AFAP1L2: variants seen among roughly 807,000 people sequenced by gnomAD.
AFAP1L2 encodes the protein actin filament associated protein 1 like 2.
AFAP1L2 carries 46 observed loss-of-function variants against 99.3 expected under a neutral mutation model. The ratio of observed to expected loss-of-function variants is 0.46; its 90% confidence interval spans 0.37 to 0.59. The LOEUF is 0.59. Among genes scored for constraint, AFAP1L2 ranks in the 20% least tolerant of loss-of-function variants. AFAP1L2 has a pLI of 0.00. For missense variants in AFAP1L2, 959 were observed against 1,034.9 expected (o/e 0.93, Z 1.01); for synonymous variants, 397 against 419.1 (o/e 0.95, Z 0.64).
At chr10:114,298,949 A>G (rs2040682026) in intron 16 of AFAP1L2, among the ~76,000 whole-genome samples, 1 of 152,218 alleles carries the variant, frequency 6.6e-6, no homozygotes, top group Non-Finnish European at 1.5e-5. Flanking sequence ...TGGGCCAAGG[A>G]ATATGCATTT....
chr10:114,324,549 G>C (rs1471443815), intron 4 of AFAP1L2, among the ~76,000 whole-genome samples: 1 of 152,212 alleles, frequency 6.6e-6, no homozygotes, highest in Admixed American at 6.5e-5. Context: ...CCATGCCCGT[G>C]GTGTCTTTCT....
At chr10:114,360,350 C>T (rs2052068907) in intron 1 of AFAP1L2, among the ~76,000 whole-genome samples, 2 of 152,202 alleles carry the variant, frequency 1.3e-5, no homozygotes, top group South Asian at 4.1e-4. Context: ...CAAACTAGAA[C>T]TACACCATTG....
chr10:114,290,792 T>C (rs2039514733), downstream of AFAP1L2, among the ~76,000 whole-genome samples: 2 of 152,104 alleles, frequency 1.3e-5, no homozygotes, highest in African/African-American at 4.8e-5. Flanking sequence ...AAGCTCTTTT[T>C]GGGGTGCTAT....
chr10:114,382,548 A>G (rs918305848), intron 1 of AFAP1L2, among the ~76,000 whole-genome samples: 3 of 148,834 alleles, frequency 2.0e-5, no homozygotes, highest in Non-Finnish European at 4.4e-5. Flanking sequence ...GTTTGATAGC[A>G]CTCTATCAAT....
downstream of AFAP1L2, chr10:114,291,229 C>T (rs760097812): frequency 2.5e-4 from 388 of 1,550,382 alleles, no homozygotes; most frequent in Non-Finnish European, 3.2e-4. Flanking sequence ...ATTCTTGAGA[C>T]GCCCCTGAGG....
rs1454136376 is a variant in AFAP1L2, at chr10:114,323,184, G to C, written c.393C>G (p.Asp131Glu). Reference protein sequence around the residue: ...EGYYEEAEPYDTSLNEDGEAV... With the variant: ...EGYYEEAEPYETSLNEDGEAV... Reference sequence around the variant, plus strand: ...GCTGGGATGTACCATTGAGGGATGTGTCATATGGCTCAGCCTCTTCATAGT... The same window carrying C: ...GCTGGGATGTACCATTGAGGGATGTCTCATATGGCTCAGCCTCTTCATAGT... The change falls in exon 5 of 19, where the codon GAC becomes GAG. Residue 131 changes from aspartate to glutamate, a missense_variant. Coordinates refer to ENST00000304129, the MANE Select transcript of AFAP1L2 (RefSeq NM_001001936.3). 1 of 1,597,568 alleles carries C rather than the reference G, an allele frequency of 6.3e-7. No individual in the cohort carries two copies. The highest frequency in any genetic ancestry group is 1.7e-5 in the Admixed American group (1 of 58,308).
chr10:114,312,978 T>C (rs904506141), intron 7 of AFAP1L2, among the ~76,000 whole-genome samples: 2 of 152,038 alleles, frequency 1.3e-5, no homozygotes, highest in Non-Finnish European at 2.9e-5. Context: ...GGTACTGAGG[T>C]CCTGTTTTAC....
the AFAP1L2 span, among the ~76,000 whole-genome samples, chr10:114,281,525 G>A: frequency 5.3e-5 from 8 of 152,362 alleles, no homozygotes; most frequent in South Asian, 1.7e-3. Context: ...GTGGTTCATG[G>A]AACACCAGCA....
In AFAP1L2 at chr10:114,308,419, C is replaced by T. The variant is rs1312790581; in HGVS notation, c.967+14G>A. The T allele has an allele frequency of 1.2e-6, 2 of 1,611,912 alleles. No homozygotes were observed. The highest frequency in any genetic ancestry group is 1.7e-6 in the Non-Finnish European group (2 of 1,177,998). ...GCCTGGGACACCATTCCCCTCCCAA[C>T]CACATGATGTTACCGTCTTTGGTTT... On this transcript the variant is annotated intron_variant, in intron 9 of 18. Transcript: ENST00000304129.
At chr10:114,388,899 A>G (rs1224559675) in intron 1 of AFAP1L2, among the ~76,000 whole-genome samples, 1 of 152,210 alleles carries the variant, frequency 6.6e-6, no homozygotes, top group Non-Finnish European at 1.5e-5. Context: ...GAAACTGAAC[A>G]CTGTCAGTAA....
intron 1 of AFAP1L2, among the ~76,000 whole-genome samples, chr10:114,402,216 A>G (rs767487364): frequency 3.9e-5 from 6 of 152,246 alleles, no homozygotes; most frequent in Non-Finnish European, 7.3e-5. Context: ...CTGAAAAGCA[A>G]GAAGAGACTA....
At chr10:114,328,413 G>A (rs1328031263) in intron 4 of AFAP1L2, among the ~76,000 whole-genome samples, 1 of 152,238 alleles carries the variant, frequency 6.6e-6, no homozygotes, top group East Asian at 1.9e-4. Context: ...GCAGGGCCCA[G>A]CCCTCAGGTG....
chr10:114,302,553 A>G, intron 11 of AFAP1L2, 69 bp from the exon 12 acceptor site: 1 of 1,594,968 alleles, frequency 6.3e-7, no homozygotes, highest in Middle Eastern at 1.8e-4. Context: ...CCTCCCCACC[A>G]GGCCATGACC....
the AFAP1L2 span, chr10:114,285,827 C>T: frequency 1.7e-6 from 2 of 1,211,420 alleles, no homozygotes; most frequent in Admixed American, 3.0e-5. Flanking sequence ...TTGGGGGGCC[C>T]ACAGTTTCTC....
the AFAP1L2 span, chr10:114,285,808 C>A: frequency 1.0e-6 from 1 of 988,100 alleles, no homozygotes. Flanking sequence ...GAGCACGGGT[C>A]ACTTAAGCTT....
Position 114,304,929 on chromosome 10 carries a change from A to G in AFAP1L2, c.1074T>C (p.Ser358=), listed in dbSNP as rs2041865834. 6.3e-7 allele frequency: 1 copy of G among 1,593,112 alleles called. No homozygotes were observed. Residue 358 remains serine, a splice_region_variant and synonymous_variant, in exon 11 of 19, where the codon AGT becomes AGC. Coordinates refer to ENST00000304129, the MANE Select transcript of AFAP1L2 (RefSeq NM_001001936.3). ...EPVERSLETS[S]YLNVLVNSQW... ...GGCTGTTCACCAGCACGTTCAGGTA[A>G]CCTGCAGGAGGAAGTGCAGATGCAG... is the stretch of plus-strand genomic sequence containing the variant.
chr10:114,285,465 A>G, the AFAP1L2 span, among the ~76,000 whole-genome samples: 3 of 152,252 alleles, frequency 2.0e-5, no homozygotes, highest in Non-Finnish European at 4.4e-5. Flanking sequence ...CTTGATGAAT[A>G]ATAACTTTTA....
At chr10:114,301,044 A>G (rs954275770) in intron 13 of AFAP1L2, among the ~76,000 whole-genome samples, 1 of 152,048 alleles carries the variant, frequency 6.6e-6, no homozygotes, top group African/African-American at 2.4e-5. Flanking sequence ...CATCCCACTC[A>G]ACAACCGATT....
chr10:114,295,843 C>T lies in AFAP1L2; in HGVS notation c.*199G>A. On this transcript the variant is annotated 3_prime_UTR_variant, in exon 19 of 19. Coordinates refer to ENST00000304129, the MANE Select transcript of AFAP1L2 (RefSeq NM_001001936.3). ...AATAGACTTAGGTCTCCAAAGAAGC[C>T]TCCTTTTTGTTGTATTATTTCCTTT... 2.1e-6 allele frequency: 3 copies of T among 1,408,240 alleles called. No individual in the cohort carries two copies. In the South Asian group the frequency reaches 5.1e-5, roughly 24 times the overall value. The allele number at this position is 1,408,240 out of a possible 1,614,324, so 87.2% of individuals were successfully genotyped here. A position where few individuals can be genotyped will look rare whatever the true frequency, so the allele number is the denominator to read the frequency against.
Sources: gnomAD v4.1 joint callset for allele counts (sites outside exome capture counted in the v4.1 genomes callset) on GRCh38, gnomAD v4.1.1 for gene constraint, MANE v1.5 for transcripts, NCBI Gene and HGNC (gene_info 2026-07-23, HGNC 2026-07-21) for gene names.